Variants in CNTN3 observed in about 807,000 individuals in gnomAD.
CNTN3 encodes contactin 3, also known as contactin-3.
CNTN3 carries 60 observed loss-of-function variants against 119.1 expected under a neutral mutation model. That is an observed-to-expected ratio of 0.50 (90% CI 0.41 to 0.62). The LOEUF (loss-of-function observed/expected upper bound fraction) is 0.62. Ranked by LOEUF, CNTN3 falls within the 20% of genes least tolerant of loss-of-function variation. CNTN3 has a pLI of 0.00. For synonymous variants in CNTN3, 450 were observed against 438.7 expected, an observed-to-expected ratio of 1.03 and a Z score of -0.32; for missense variants, 1,101 against 1,242.4, an observed-to-expected ratio of 0.89 and a Z score of 1.71.
intron 19 of CNTN3, among the ~76,000 whole-genome samples, chr3:74,287,333 C>T (rs1702134636): frequency 6.6e-6 from 1 of 152,100 alleles, no homozygotes; most frequent in Non-Finnish European, 1.5e-5. Flanking sequence ...AAAGAATGTT[C>T]CTATTGTGAA....
chr3:74,403,877 CTT>C (rs1230689999), intron 5 of CNTN3, among the ~76,000 whole-genome samples: 1 of 150,926 alleles, frequency 6.6e-6, no homozygotes, highest in Non-Finnish European at 1.5e-5. Context: ...TCTGTCTACT[CTT>C]CTCTTTCCTT....
intron 13 of CNTN3, among the ~76,000 whole-genome samples, chr3:74,316,938 A>G (rs548036299): frequency 3.3e-5 from 5 of 152,058 alleles, no homozygotes; most frequent in Non-Finnish European, 7.4e-5. Context: ...AAAAAAAAAA[A>G]AAAAGTCTCC....
intron 4 of CNTN3, among the ~76,000 whole-genome samples, chr3:74,440,265 G>A (rs906794921): frequency 3.3e-5 from 5 of 151,914 alleles, no homozygotes; most frequent in African/African-American, 4.8e-5. Context: ...ACACTGCTTC[G>A]CACATATTAT....
chr3:74,323,489 T>C (rs1703047263), intron 13 of CNTN3, among the ~76,000 whole-genome samples: 1 of 152,184 alleles, frequency 6.6e-6, no homozygotes, highest in African/African-American at 2.4e-5. Flanking sequence ...GAGCTTTCTT[T>C]TTGAGATAAC....
intron 5 of CNTN3, among the ~76,000 whole-genome samples, chr3:74,398,613 T>A (rs1705113652): frequency 6.6e-6 from 1 of 152,208 alleles, no homozygotes; most frequent in Non-Finnish European, 1.5e-5. Flanking sequence ...TGTACTTCTT[T>A]TTCCCCATGT....
At chr3:74,574,241 C>T (rs1704378677) in intron 1 of CNTN3, among the ~76,000 whole-genome samples, 1 of 152,020 alleles carries the variant, frequency 6.6e-6, no homozygotes. Context: ...CAAAATAGGA[C>T]AATCCATAAA....
At position 74,336,553 on chromosome 3, in the gene CNTN3, G is replaced by GAAA. The variant is rs1427907481; in HGVS notation, c.1469_1470insTTT (p.Gly490_Thr491insPhe). 6.2e-7 allele frequency: 1 copy of GAAA among 1,612,736 alleles called. No homozygotes were observed. The highest frequency in any genetic ancestry group is 8.5e-7 in the Non-Finnish European group (1 of 1,179,018). ...TACCCGTAACAACCAAATGTGTTGT[G>GAAA]CCATTTGCTTTCCCAAACTGGTTTT... On this transcript the variant is annotated inframe_insertion, in exon 12 of 23. Coordinates refer to ENST00000263665, the MANE Select transcript of CNTN3 (RefSeq NM_020872.3).
At chr3:74,571,352 G>A (rs1704329800) in intron 1 of CNTN3, among the ~76,000 whole-genome samples, 1 of 152,162 alleles carries the variant, frequency 6.6e-6, no homozygotes, top group Non-Finnish European at 1.5e-5. Context: ...CTAACCTGCA[G>A]GATTCTCATG....
chr3:74,582,782 T>TA (rs1559667020), intron 1 of CNTN3, among the ~76,000 whole-genome samples: 1 of 115,686 alleles, frequency 8.6e-6, no homozygotes, highest in East Asian at 2.2e-4. Flanking sequence ...TGTGTATGCA[T>TA]TTGTGTGTGT....
chr3:74,448,711 T>C (rs567442208), intron 4 of CNTN3, among the ~76,000 whole-genome samples: 3 of 152,300 alleles, frequency 2.0e-5, no homozygotes, highest in East Asian at 1.9e-4. Context: ...TATTATAAAG[T>C]ATCAGCTCAA....
At chr3:74,381,707 C>A (rs1311672338) in intron 5 of CNTN3, among the ~76,000 whole-genome samples, 1 of 152,128 alleles carries the variant, frequency 6.6e-6, no homozygotes, top group Non-Finnish European at 1.5e-5. Flanking sequence ...GGAAAAATAT[C>A]TATCACTCTA....
chr3:74,302,754 T>C lies in CNTN3; in HGVS notation c.1722A>G (p.Lys574=), dbSNP rs748659913. 2.9e-5 allele frequency: 46 copies of C among 1,613,174 alleles called. No homozygotes were observed. In the East Asian group the frequency reaches 1.0e-3, roughly 36 times the overall value. Residue 574 remains lysine, a synonymous_variant, in exon 14 of 23, where the codon AAA becomes AAG. Transcript: ENST00000263665. ...IRNIQLKHSG[K]YVCMVQTGVD... is the part of the protein sequence containing the mutation. ...CCCCCGTTTGCACCATACAAACATA[T>C]TTCCCACTGTGTTTCAGCTGAATGT...
chr3:74,425,051 T>C, intron 4 of CNTN3, 111 bp from the exon 5 acceptor site: 1 of 679,204 alleles, frequency 1.5e-6, no homozygotes, highest in Non-Finnish European at 2.5e-6. Context: ...TGCTTTTTTC[T>C]TTAAAAATTT....
At chr3:74,473,289 A>G (rs1702598817) in intron 4 of CNTN3, among the ~76,000 whole-genome samples, 1 of 152,048 alleles carries the variant, frequency 6.6e-6, no homozygotes, top group African/African-American at 2.4e-5. Context: ...TTCGTAATCT[A>G]ATAAAATCCT....
chr3:74,295,824 T>C (rs1702327332), intron 18 of CNTN3, among the ~76,000 whole-genome samples: 2 of 152,098 alleles, frequency 1.3e-5, no homozygotes, highest in African/African-American at 2.4e-5. Context: ...TTCACAGTGG[T>C]TCTCCCTTCT....
chr3:74,518,132 T>TG (rs1160037228), intron 2 of CNTN3, among the ~76,000 whole-genome samples: 1 of 151,974 alleles, frequency 6.6e-6, no homozygotes, highest in Non-Finnish European at 1.5e-5. Flanking sequence ...TAATAGCACT[T>TG]GCAATATATT....
chr3:74,265,587 G>A (rs531235727), intron 22 of CNTN3, among the ~76,000 whole-genome samples: 6 of 152,186 alleles, frequency 3.9e-5, no homozygotes, highest in East Asian at 3.9e-4. Context: ...TCTTAGTGTA[G>A]CTTTGTTTGT....
intron 4 of CNTN3, among the ~76,000 whole-genome samples, chr3:74,425,855 T>G (rs1352312518): frequency 6.6e-6 from 1 of 152,100 alleles, no homozygotes; most frequent in Non-Finnish European, 1.5e-5. Context: ...GGAAGATATA[T>G]TGTCACTGAA....
At chr3:74,333,780 G>A (rs567819015) in intron 13 of CNTN3, among the ~76,000 whole-genome samples, 1 of 152,264 alleles carries the variant, frequency 6.6e-6, no homozygotes, top group African/African-American at 2.4e-5. Flanking sequence ...ACATGCCGAT[G>A]TATACAAATA....
Sources: gnomAD v4.1 joint callset for allele counts (sites outside exome capture counted in the v4.1 genomes callset) on GRCh38, gnomAD v4.1.1 for gene constraint, MANE v1.5 for transcripts, NCBI Gene and HGNC (gene_info 2026-07-23, HGNC 2026-07-21) for gene names.